Variants in GLRB observed in about 807,000 individuals in gnomAD.
GLRB encodes glycine receptor beta, also known as glycine receptor subunit beta.
GLRB carries 33 observed loss-of-function variants against 54.2 expected under a neutral mutation model. The ratio of observed to expected loss-of-function variants is 0.61; its 90% confidence interval spans 0.46 to 0.81. The LOEUF (loss-of-function observed/expected upper bound fraction) is 0.81. GLRB is among the 40% of genes least tolerant of loss of function. The probability of loss-of-function intolerance (pLI) is 0.00; values close to 1 mark genes in which losing one functional copy is unlikely to be tolerated. For synonymous variants in GLRB, 209 were observed against 208.2 expected, an observed-to-expected ratio of 1.00 and a Z score of -0.03; for missense variants, 572 against 584.6, an observed-to-expected ratio of 0.98 and a Z score of 0.22.
In GLRB at chr4:157,089,156, A is replaced by G. The variant is rs1259678490; in HGVS notation, c.122+11010A>G. Reference sequence around the variant, plus strand: ...TGTAATCTCAATACTTCAGGAAGCCAAAGTGGGAGGATCACTTGAGCCCAG... The same window carrying G: ...TGTAATCTCAATACTTCAGGAAGCCGAAGTGGGAGGATCACTTGAGCCCAG... On this transcript the variant is annotated intron_variant, in intron 2 of 9. Transcript: ENST00000264428. Among the ~76,000 whole-genome samples the G allele has an allele frequency of 2.0e-5, 3 of 152,296 alleles. No individual in the cohort carries two copies. In the East Asian group the frequency reaches 5.8e-4, roughly 29 times the overall value.
intron 8 of GLRB, among the ~76,000 whole-genome samples, chr4:157,149,188 A>G (rs772120188): frequency 2.0e-5 from 3 of 152,120 alleles, no homozygotes; most frequent in Non-Finnish European, 4.4e-5. Flanking sequence ...TTAGCAGACA[A>G]CATAGAGCAT....
At position 157,138,868 on chromosome 4, in the gene GLRB, GA is replaced by G; in HGVS notation, c.676del (p.Ile226LeufsTer37). 6.5e-7 allele frequency: 1 copy of G among 1,548,118 alleles called. No homozygotes were observed. Among genetic ancestry groups the G allele is most frequent in the Non-Finnish European group, 8.9e-7 (1 of 1,120,810 alleles). ...IWQSGDPVQL[E>X]KIALPQFDIK... ...GCAGTCAGGAGATCCTGTGCAATTA[GA>G]AAAAATTGCCTTGCCTCAATTTGAT... is the stretch of plus-strand genomic sequence containing the variant. On this transcript the variant is annotated frameshift_variant, in exon 7 of 10. Transcript: ENST00000264428. LOFTEE classifies it high-confidence loss of function.
At chr4:157,164,374 C>G (rs556464922) in intron 9 of GLRB, among the ~76,000 whole-genome samples, 1 of 152,254 alleles carries the variant, frequency 6.6e-6, no homozygotes, top group South Asian at 2.1e-4. Flanking sequence ...TGTTCTCTAC[C>G]TGATTTTTTG....
At chr4:157,113,377 G>A (rs1342983776) in intron 2 of GLRB, among the ~76,000 whole-genome samples, 2 of 151,848 alleles carry the variant, frequency 1.3e-5, no homozygotes, top group African/African-American at 2.4e-5. Context: ...ATGTCAAAGA[G>A]GTTTGGAGAT....
intron 2 of GLRB, among the ~76,000 whole-genome samples, chr4:157,104,732 A>G (rs1735158202): frequency 6.6e-6 from 1 of 151,872 alleles, no homozygotes; most frequent in Non-Finnish European, 1.5e-5. Flanking sequence ...CAATCCCTTT[A>G]CTAGTTAGAA....
intron 2 of GLRB, among the ~76,000 whole-genome samples, chr4:157,108,950 CTT>C (rs1434678497): frequency 3.9e-5 from 6 of 152,034 alleles, no homozygotes; most frequent in Non-Finnish European, 8.8e-5. Flanking sequence ...AGGCAAGACT[CTT>C]TTATCAGCAA....
At chr4:157,126,357 T>C (rs888062995) in intron 4 of GLRB, among the ~76,000 whole-genome samples, 3 of 151,864 alleles carry the variant, frequency 2.0e-5, no homozygotes, top group Non-Finnish European at 4.4e-5. Context: ...TCCATATCTC[T>C]GTGGTTATAC....
chr4:157,123,627 T>A (rs531672809), intron 4 of GLRB, among the ~76,000 whole-genome samples: 1 of 151,884 alleles, frequency 6.6e-6, no homozygotes, highest in Admixed American at 6.6e-5. Context: ...TGAAATAAAA[T>A]ATAAACTACT....
intron 9 of GLRB, among the ~76,000 whole-genome samples, chr4:157,165,861 A>G (rs1032085376): frequency 6.6e-6 from 1 of 152,064 alleles, no homozygotes; most frequent in African/African-American, 2.4e-5. Context: ...TAGAAAATAA[A>G]AGCTGCTGTT....
At chr4:157,083,817 T>A (rs1350864311) in intron 2 of GLRB, among the ~76,000 whole-genome samples, 1 of 152,132 alleles carries the variant, frequency 6.6e-6, no homozygotes, top group African/African-American at 2.4e-5. Flanking sequence ...ATTTCATGAA[T>A]AATGTTTTTT....
At chr4:157,077,142 C>CTTCTCTAG (rs1332440986) in intron 1 of GLRB, among the ~76,000 whole-genome samples, 13 of 152,246 alleles carry the variant, frequency 8.5e-5, no homozygotes, top group Non-Finnish European at 1.9e-4. Flanking sequence ...AGAGTTTGAA[C>CTTCTCTAG]TTCTCTAGTG....
rs559341686 is a variant in GLRB at position 157,124,144 on chromosome 4, A to G, written c.297+1747A>G. Among the ~76,000 whole-genome samples, 572 of 151,862 alleles carry G rather than the reference A, an allele frequency of 3.8e-3. 2 individuals carry two copies. The highest frequency in any genetic ancestry group is 0.013 in the African/African-American group (547 of 41,504). On this transcript the variant is annotated intron_variant, in intron 4 of 9. Coordinates refer to ENST00000264428, the MANE Select transcript of GLRB (RefSeq NM_000824.5). ...GATGATTATGATAAAATATTTCATC[A>G]TTTCTAATATCCTCTCACTCATCTG...
chr4:157,142,574 T>C (rs1452591491), intron 7 of GLRB, among the ~76,000 whole-genome samples: 1 of 152,178 alleles, frequency 6.6e-6, no homozygotes, highest in Non-Finnish European at 1.5e-5. Flanking sequence ...CAAGTACTGC[T>C]GTAGGTGCTA....
At chr4:157,131,897 A>C (rs944593047) in intron 4 of GLRB, among the ~76,000 whole-genome samples, 8 of 151,818 alleles carry the variant, frequency 5.3e-5, no homozygotes, top group Non-Finnish European at 7.4e-5. Context: ...TTTTATGCTG[A>C]CATGTTTTCA....
In GLRB at chr4:157,170,658, T is replaced by C. The variant is rs1164138560; in HGVS notation, c.1424T>C (p.Leu475Pro). ...CCAACAGCAGCAAAGCGAATTGATCTTTATGCAAGAGCATTGTTTCCTTTC... is the reference window on the plus strand; with the variant it reads ...CCAACAGCAGCAAAGCGAATTGATCCTTATGCAAGAGCATTGTTTCCTTTC... The part of the protein sequence containing the change: ...VIPTAAKRID[L>P]YARALFPFCF... The change falls in exon 10 of 10, where the codon CTT becomes CCT. Residue 475 changes from leucine to proline, a missense_variant. Transcript: ENST00000264428. The C allele has an allele frequency of 1.2e-6, 2 of 1,609,504 alleles. No homozygotes were observed. Among genetic ancestry groups the C allele is most frequent in the Admixed American group, 3.3e-5 (2 of 59,738 alleles).
chr4:157,153,545 C>G (rs1466735614), intron 9 of GLRB, among the ~76,000 whole-genome samples: 1 of 152,162 alleles, frequency 6.6e-6, no homozygotes, highest in Non-Finnish European at 1.5e-5. Flanking sequence ...ACGATGCCTG[C>G]AGTTAGGAAT....
chr4:157,157,956 C>G (rs1165232449), intron 9 of GLRB, among the ~76,000 whole-genome samples: 1 of 152,208 alleles, frequency 6.6e-6, no homozygotes, highest in Non-Finnish European at 1.5e-5. Context: ...GTCCCACCAA[C>G]AGTGTAAAAG....
chr4:157,083,725 G>C (rs887969444), intron 2 of GLRB, among the ~76,000 whole-genome samples: 2 of 152,036 alleles, frequency 1.3e-5, no homozygotes, highest in African/African-American at 4.8e-5. Flanking sequence ...AATTGACTTA[G>C]AAAGCTCTAG....
At chr4:157,092,771 G>A (rs1734665062) in intron 2 of GLRB, among the ~76,000 whole-genome samples, 1 of 152,192 alleles carries the variant, frequency 6.6e-6, no homozygotes, top group African/African-American at 2.4e-5. Flanking sequence ...GATGTGGAGA[G>A]TGTTTGTATA....
Sources: allele counts gnomAD v4.1 joint callset (sites outside exome capture counted in the v4.1 genomes callset), GRCh38; gene constraint gnomAD v4.1.1; transcripts MANE v1.5; gene names NCBI Gene and HGNC (gene_info 2026-07-23, HGNC 2026-07-21).